Variants in KIF13B observed in about 807,000 individuals in gnomAD.
KIF13B encodes kinesin-like protein KIF13B.
KIF13B carries 127 observed loss-of-function variants against 222.0 expected under a neutral mutation model. That is an observed-to-expected ratio of 0.57 (90% confidence interval 0.50 to 0.66). KIF13B has a LOEUF of 0.66. Ranked by LOEUF, KIF13B falls within the 30% of genes least tolerant of loss-of-function variation. The probability of loss-of-function intolerance (pLI) is 0.00; values close to 1 mark genes in which losing one functional copy is unlikely to be tolerated. For synonymous variants in KIF13B, 976 were observed against 919.0 expected (o/e 1.06, Z -1.12); for missense variants, 2,173 against 2,379.0 (o/e 0.91, Z 1.80).
chr8:29,138,028 T>A (rs1045103611), intron 21 of KIF13B, among the ~76,000 whole-genome samples: 2 of 152,172 alleles, frequency 1.3e-5, no homozygotes, highest in South Asian at 4.1e-4. Context: ...AAAACTAACT[T>A]GTCACATTTT....
chr8:29,081,622 T>C (rs533952624), intron 37 of KIF13B, among the ~76,000 whole-genome samples: 2 of 152,374 alleles, frequency 1.3e-5, no homozygotes, highest in African/African-American at 4.8e-5. Context: ...TTTTTTATAC[T>C]ACAGTTGATA....
At chr8:29,238,421 G>C (rs1204687221) in intron 2 of KIF13B, among the ~76,000 whole-genome samples, 1 of 152,142 alleles carries the variant, frequency 6.6e-6, no homozygotes, top group Non-Finnish European at 1.5e-5. Context: ...GAAGGGTTGG[G>C]TGTGTTTTGT....
intron 18 of KIF13B, 102 bp downstream of exon 18, chr8:29,146,276 G>A: frequency 8.5e-7 from 1 of 1,170,596 alleles, no homozygotes. Context: ...TCTGGACTTG[G>A]GGCAGGCACA....
rs1813410228 is a variant in KIF13B, at chr8:29,196,170, C to T, written c.162+17G>A. On this transcript the variant is annotated intron_variant, in intron 3 of 39. Transcript: ENST00000524189. Reference sequence around the variant, plus strand: ...TAAGATCTTTACAAGCATCACATAACAAACCAAATCTCTTACCTTCGGCTG... The same window carrying T: ...TAAGATCTTTACAAGCATCACATAATAAACCAAATCTCTTACCTTCGGCTG... 2.6e-6 allele frequency: 4 copies of T among 1,564,526 alleles called. No homozygotes were observed. In the Admixed American group the frequency reaches 7.5e-5, roughly 29 times the overall value.
At chr8:29,133,012 A>G (rs929017193) in intron 22 of KIF13B, among the ~76,000 whole-genome samples, 2 of 152,238 alleles carry the variant, frequency 1.3e-5, no homozygotes, top group African/African-American at 4.8e-5. Flanking sequence ...AGTTTATTAA[A>G]GAAATCACAG....
Position 29,167,362 on chromosome 8 carries a change from G to C in KIF13B, c.1158+11C>G, listed in dbSNP as rs777497096. The C allele has an allele frequency of 2.5e-6, 4 of 1,608,354 alleles. No homozygotes were observed. Among genetic ancestry groups the C allele is most frequent in the African/African-American group, 2.7e-5 (2 of 74,778 alleles). On this transcript the variant is annotated intron_variant, in intron 11 of 39. Coordinates refer to ENST00000524189, the MANE Select transcript of KIF13B (RefSeq NM_015254.4). ...CTGGACTCACAGGGCGCACGCGGTG[G>C]TGCCTCCTACCTCTGCTTTGGTCAG...
intron 2 of KIF13B, among the ~76,000 whole-genome samples, chr8:29,236,825 C>G (rs1028944724): frequency 6.6e-5 from 10 of 152,134 alleles, no homozygotes; most frequent in Non-Finnish European, 1.3e-4. Context: ...GTACAATTCT[C>G]AAAATTAAAC....
At chr8:29,248,969 TA>T (rs1816160941) in intron 1 of KIF13B, among the ~76,000 whole-genome samples, 2 of 152,198 alleles carry the variant, frequency 1.3e-5, no homozygotes, top group Non-Finnish European at 2.9e-5. Flanking sequence ...GTGAGCAAAC[TA>T]AAAACACTGA....
intron 1 of KIF13B, among the ~76,000 whole-genome samples, chr8:29,257,861 CAGG>C (rs1586997614): frequency 6.6e-6 from 1 of 152,214 alleles, no homozygotes; most frequent in East Asian, 1.9e-4. Flanking sequence ...AAACAAAAAA[CAGG>C]AGATTTGGGG....
chr8:29,228,472 A>AAAAAAAAAAAAAAATATAT lies in KIF13B; in HGVS notation c.149+16873_149+16874insATATATTTTTTTTTTTTTT. Among the ~76,000 whole-genome samples, 52 of 117,060 alleles carry AAAAAAAAAAAAAAATATAT rather than the reference A, an allele frequency of 4.4e-4. 3 individuals are homozygous for AAAAAAAAAAAAAAATATAT. Among genetic ancestry groups the AAAAAAAAAAAAAAATATAT allele is most frequent in the South Asian group, 1.1e-3 (4 of 3,490 alleles). 76.8% of individuals were successfully genotyped at this position (117,060 alleles called of 152,430 possible). ...ACAGAGCCAGACTCCATCTTAAAAA[A>AAAAAAAAAAAAAAATATAT]ATATATATATATATATATGAGATAC... On this transcript the variant is annotated intron_variant, in intron 2 of 39. Coordinates refer to ENST00000524189, the MANE Select transcript of KIF13B (RefSeq NM_015254.4).
At chr8:29,255,169 G>T (rs1018961871) in intron 1 of KIF13B, among the ~76,000 whole-genome samples, 3 of 152,268 alleles carry the variant, frequency 2.0e-5, no homozygotes, top group African/African-American at 7.2e-5. Context: ...CAGTTACAAG[G>T]TTCCTCTGTG....
At chr8:29,177,610 AG>A in intron 8 of KIF13B, 32 bp from the exon 9 acceptor site, 1 of 1,403,326 alleles carries the variant, frequency 7.1e-7, no homozygotes, top group Non-Finnish European at 1.0e-6. Flanking sequence ...ACTAATCAAC[AG>A]GAACACAGGG....
chr8:29,153,029 C>T (rs907158252), intron 14 of KIF13B, among the ~76,000 whole-genome samples: 9 of 152,108 alleles, frequency 5.9e-5, no homozygotes, highest in Admixed American at 1.3e-4. Context: ...TTGTGGAAGT[C>T]CGAACCTGCA....
intron 1 of KIF13B, among the ~76,000 whole-genome samples, chr8:29,252,510 A>G (rs1446680814): frequency 6.6e-6 from 1 of 152,248 alleles, no homozygotes; most frequent in Non-Finnish European, 1.5e-5. Context: ...TCTACCAGTC[A>G]TGTTCCTAAA....
chr8:29,076,679 G>T (rs138599552), intron 37 of KIF13B, among the ~76,000 whole-genome samples: 1 of 152,344 alleles, frequency 6.6e-6, no homozygotes, highest in African/African-American at 2.4e-5. Flanking sequence ...ATGACCACTC[G>T]TGCCTTGGGG....
intron 19 of KIF13B, among the ~76,000 whole-genome samples, chr8:29,141,864 C>T (rs1262859814): frequency 6.6e-6 from 1 of 151,992 alleles, no homozygotes; most frequent in Non-Finnish European, 1.5e-5. Context: ...AAAGAGGTTC[C>T]CAGAGAGCAC....
intron 37 of KIF13B, among the ~76,000 whole-genome samples, chr8:29,083,591 C>T (rs1807908385): frequency 6.6e-6 from 1 of 152,128 alleles, no homozygotes; most frequent in Admixed American, 6.5e-5. Flanking sequence ...TAAGTATGTC[C>T]ACTATATTAC....
At chr8:29,250,198 T>C (rs1816219961) in intron 1 of KIF13B, 1 of 439,204 alleles carries the variant, frequency 2.3e-6, no homozygotes, top group South Asian at 1.8e-5. Context: ...ACAGAAGAAC[T>C]CTAAGTGCCG....
At chr8:29,245,640 G>GA (rs1815988691) in intron 1 of KIF13B, among the ~76,000 whole-genome samples, 1 of 152,176 alleles carries the variant, frequency 6.6e-6, no homozygotes, top group Admixed American at 6.5e-5. Context: ...GTGAAGGACT[G>GA]GGCAGCTTCC....
Sources: allele counts gnomAD v4.1 joint callset (sites outside exome capture counted in the v4.1 genomes callset), GRCh38; gene constraint gnomAD v4.1.1; transcripts MANE v1.5; gene names NCBI Gene and HGNC (gene_info 2026-07-23, HGNC 2026-07-21).